The following BBX variants were observed in gnomAD, a reference collection of about 807,000 sequenced individuals.
BBX encodes HMG box transcription factor BBX.
BBX carries 30 observed loss-of-function variants against 100.2 expected under a neutral mutation model. That is an observed-to-expected ratio of 0.30 (90% confidence interval 0.22 to 0.41). The LOEUF (loss-of-function observed/expected upper bound fraction) is 0.41, where lower values mean the gene tolerates loss of function less well. Among genes scored for constraint, BBX ranks in the 10% least tolerant of loss-of-function variants. The probability of loss-of-function intolerance (pLI) is 1.00; values close to 1 mark genes in which losing one functional copy is unlikely to be tolerated. For synonymous variants in BBX, 376 were observed against 388.1 expected (o/e 0.97, Z 0.37); for missense variants, 1,023 against 1,129.8 (o/e 0.91, Z 1.35).
intron 2 of BBX, among the ~76,000 whole-genome samples, chr3:107,581,996 C>A (rs2052311645): frequency 6.6e-6 from 1 of 151,638 alleles, no homozygotes; most frequent in African/African-American, 2.4e-5. Flanking sequence ...ATATATGAGC[C>A]AAGGTATTTT....
At chr3:107,538,341 C>A (rs1423897555) in intron 2 of BBX, among the ~76,000 whole-genome samples, 1 of 152,068 alleles carries the variant, frequency 6.6e-6, no homozygotes, top group African/African-American at 2.4e-5. Flanking sequence ...CCTGGTCTCA[C>A]GTATATGGTG....
At chr3:107,750,664 A>G (rs1227068210) in intron 9 of BBX, among the ~76,000 whole-genome samples, 1 of 152,234 alleles carries the variant, frequency 6.6e-6, no homozygotes, top group Non-Finnish European at 1.5e-5. Flanking sequence ...CAATCTGACC[A>G]TATTGTCAGA....
intron 10 of BBX, among the ~76,000 whole-genome samples, chr3:107,770,069 C>T (rs928702597): frequency 1.3e-5 from 2 of 152,246 alleles, no homozygotes; most frequent in East Asian, 1.9e-4. Context: ...TAGTGTTCAG[C>T]GTAATTACCT....
intron 2 of BBX, among the ~76,000 whole-genome samples, chr3:107,532,093 C>G (rs2048200053): frequency 6.6e-6 from 1 of 151,910 alleles, no homozygotes; most frequent in Non-Finnish European, 1.5e-5. Context: ...TACTCGGAGG[C>G]TGAGGTGGGA....
chr3:107,716,478 AT>A (rs1421966919), intron 4 of BBX, 128 bp from the exon 5 acceptor site: 19 of 1,150,432 alleles, frequency 1.7e-5, no homozygotes, highest in Non-Finnish European at 2.2e-5. Context: ...TTAAAATTAT[AT>A]TTTTTTCAAT....
chr3:107,581,119 C>T (rs2052245824), intron 2 of BBX, among the ~76,000 whole-genome samples: 1 of 152,064 alleles, frequency 6.6e-6, no homozygotes, highest in South Asian at 2.1e-4. Flanking sequence ...TTGTATTTAA[C>T]TAGGAGCAAA....
intron 2 of BBX, among the ~76,000 whole-genome samples, chr3:107,587,612 T>A (rs2052955687): frequency 6.6e-6 from 1 of 152,154 alleles, no homozygotes; most frequent in African/African-American, 2.4e-5. Context: ...GAAGCATGAA[T>A]ATGTGAGTGG....
At chr3:107,791,944 T>G (rs2069103483) in intron 15 of BBX, among the ~76,000 whole-genome samples, 1 of 152,164 alleles carries the variant, frequency 6.6e-6, no homozygotes, top group African/African-American at 2.4e-5. Context: ...GAAGTTTCAG[T>G]GAGCCAAGAT....
At chr3:107,797,891 T>G (rs1175458251) in intron 15 of BBX, among the ~76,000 whole-genome samples, 1 of 152,190 alleles carries the variant, frequency 6.6e-6, no homozygotes, top group East Asian at 1.9e-4. Context: ...CTTCATTAAA[T>G]TATCTCACTA....
intron 2 of BBX, among the ~76,000 whole-genome samples, chr3:107,594,278 A>C (rs991253948): frequency 1.3e-5 from 2 of 152,046 alleles, no homozygotes; most frequent in Non-Finnish European, 2.9e-5. Flanking sequence ...CATTTAGTTC[A>C]TCCATTCCGC....
intron 2 of BBX, among the ~76,000 whole-genome samples, chr3:107,548,820 C>T (rs2049438356): frequency 6.6e-6 from 1 of 152,186 alleles, no homozygotes; most frequent in Non-Finnish European, 1.5e-5. Flanking sequence ...AAAAAAGGAA[C>T]AAAATCATGT....
chr3:107,530,384 CCAAAACAAAA>C (rs56337631), intron 2 of BBX, among the ~76,000 whole-genome samples: 16,593 of 149,844 alleles, frequency 0.11, 998 homozygotes, highest in Non-Finnish European at 0.12. Flanking sequence ...GACTCTGTCT[CCAAAACAAAA>C]CAAAACAAAA....
At chr3:107,679,711 A>G (rs537181880) in intron 3 of BBX, among the ~76,000 whole-genome samples, 1 of 152,270 alleles carries the variant, frequency 6.6e-6, no homozygotes, top group South Asian at 2.1e-4. Flanking sequence ...CCAGAAAGGG[A>G]TTAGTACAGT....
chr3:107,677,616 G>A (rs1321244499), intron 3 of BBX: 2 of 152,102 alleles, frequency 1.3e-5, no homozygotes, highest in Non-Finnish European at 2.9e-5. Flanking sequence ...CCTATTTTAT[G>A]ATAGTGTTGC....
chr3:107,654,335 G>A (rs1042011637), intron 3 of BBX, among the ~76,000 whole-genome samples: 1 of 152,102 alleles, frequency 6.6e-6, no homozygotes, highest in Non-Finnish European at 1.5e-5. Flanking sequence ...GAGAACAAAA[G>A]ATATATCTTT....
At chr3:107,793,412 T>C (rs566304044) in intron 15 of BBX, among the ~76,000 whole-genome samples, 7 of 152,306 alleles carry the variant, frequency 4.6e-5, no homozygotes, top group Admixed American at 4.6e-4. Context: ...AAACTCATTT[T>C]ATGTGGCCAG....
intron 2 of BBX, among the ~76,000 whole-genome samples, chr3:107,637,895 C>A (rs1448533930): frequency 1.3e-5 from 2 of 151,940 alleles, no homozygotes; most frequent in Non-Finnish European, 2.9e-5. Context: ...CCTTTACTTT[C>A]TTCTTTCCTT....
chr3:107,757,455 T>TA (rs1265879363), intron 10 of BBX, among the ~76,000 whole-genome samples: 7 of 152,312 alleles, frequency 4.6e-5, no homozygotes, highest in Admixed American at 4.6e-4. Context: ...GAAATAAGCC[T>TA]ATTCCAATTA....
At chr3:107,659,778 T>G (rs1430176229) in intron 3 of BBX, 1 of 1,270,514 alleles carries the variant, frequency 7.9e-7, no homozygotes, top group South Asian at 1.3e-5. Flanking sequence ...AACGTAAGTG[T>G]GTAGATACAG....
Sources: allele counts gnomAD v4.1 joint callset (sites outside exome capture counted in the v4.1 genomes callset), GRCh38; gene constraint gnomAD v4.1.1; transcripts MANE v1.5; gene names NCBI Gene and HGNC (gene_info 2026-07-23, HGNC 2026-07-21).